TANC2: variants seen among roughly 807,000 people sequenced by gnomAD.
The protein encoded by TANC2 is tetratricopeptide repeat, ankyrin repeat and coiled-coil containing 2.
Under a neutral mutation model 210.5 loss-of-function variants are expected in TANC2, and 26 were observed. That is an observed-to-expected ratio of 0.12 (90% confidence interval 0.09 to 0.17). The LOEUF is 0.17. Ranked by LOEUF, TANC2 falls within the 10% of genes least tolerant of loss-of-function variation. The pLI, the probability that TANC2 is intolerant of heterozygous loss-of-function variation, is 1.00. For synonymous variants in TANC2, 931 were observed against 967.1 expected (o/e 0.96, Z 0.69); for missense variants, 2,129 against 2,608.9 (o/e 0.82, Z 4.01).
chr17:63,316,634 G>A (rs534366418), intron 10 of TANC2, among the ~76,000 whole-genome samples: 5 of 152,244 alleles, frequency 3.3e-5, no homozygotes, highest in East Asian at 1.9e-4. Context: ...TTAACTTTCC[G>A]AATTTGAAAG....
At chr17:62,972,409 G>C (rs895757507) in intron 1 of TANC2, among the ~76,000 whole-genome samples, 9 of 152,148 alleles carry the variant, frequency 5.9e-5, no homozygotes, top group Non-Finnish European at 1.0e-4. Context: ...ATGGTTTATA[G>C]TGCATCTTAA....
At chr17:63,327,345 C>G (rs2045682963) in intron 11 of TANC2, among the ~76,000 whole-genome samples, 1 of 152,136 alleles carries the variant, frequency 6.6e-6, no homozygotes, top group Non-Finnish European at 1.5e-5. Flanking sequence ...ATAGAGCTAT[C>G]ATATGATCCA....
chr17:63,021,456 C>T (rs1279920189), intron 2 of TANC2, among the ~76,000 whole-genome samples: 2 of 152,134 alleles, frequency 1.3e-5, no homozygotes, highest in African/African-American at 4.8e-5. Flanking sequence ...CTCCTTTTTC[C>T]CCTGTCTCTT....
At chr17:63,206,497 T>G (rs1192225275) in intron 7 of TANC2, among the ~76,000 whole-genome samples, 2 of 152,202 alleles carry the variant, frequency 1.3e-5, no homozygotes, top group South Asian at 2.1e-4. Context: ...GATATATACA[T>G]GCAATGAAAT....
At chr17:63,344,035 A>T (rs993219028) in intron 12 of TANC2, among the ~76,000 whole-genome samples, 1 of 152,212 alleles carries the variant, frequency 6.6e-6, no homozygotes, top group African/African-American at 2.4e-5. Context: ...TGGGCCAAGG[A>T]TGGATATAGG....
chr17:63,003,495 A>G (rs2033477558), intron 1 of TANC2, among the ~76,000 whole-genome samples: 1 of 152,228 alleles, frequency 6.6e-6, no homozygotes, highest in African/African-American at 2.4e-5. Context: ...TACAGCTTGG[A>G]TAAACTAGAC....
intron 9 of TANC2, among the ~76,000 whole-genome samples, chr17:63,289,381 T>G (rs2044318188): frequency 6.6e-6 from 1 of 152,196 alleles, no homozygotes. Context: ...CTTCGTTCTC[T>G]TCGTTTTTCA....
intron 7 of TANC2, among the ~76,000 whole-genome samples, chr17:63,218,683 G>A (rs1245909315): frequency 2.0e-5 from 3 of 152,098 alleles, no homozygotes; most frequent in African/African-American, 4.8e-5. Context: ...ATAGCCTGAA[G>A]TCAGGAGTTC....
intron 15 of TANC2, among the ~76,000 whole-genome samples, chr17:63,382,060 C>A (rs1265720070): frequency 2.0e-5 from 3 of 152,168 alleles, no homozygotes; most frequent in Non-Finnish European, 4.4e-5. Flanking sequence ...TGAATTGAAC[C>A]AAACTGACGC....
At chr17:63,131,084 A>G (rs1298004691) in intron 4 of TANC2, 2 of 152,228 alleles carry the variant, frequency 1.3e-5, no homozygotes, top group Non-Finnish European at 2.9e-5. Context: ...AAACACAGGA[A>G]AGGCTTTTCA....
At chr17:63,398,717 T>G (rs554856620) in intron 18 of TANC2, 104 bp from the exon 19 acceptor site, 6 of 678,820 alleles carry the variant, frequency 8.8e-6, no homozygotes, top group African/African-American at 7.2e-5. Flanking sequence ...TGCAAGAGAT[T>G]TAGTGATACT....
At chr17:63,072,010 C>G (rs944764115) in intron 2 of TANC2, among the ~76,000 whole-genome samples, 1 of 152,070 alleles carries the variant, frequency 6.6e-6, no homozygotes, top group Non-Finnish European at 1.5e-5. Flanking sequence ...TGAAATAGGT[C>G]TTTACTTCAT....
At chr17:63,284,423 T>G (rs913516414) in intron 9 of TANC2, among the ~76,000 whole-genome samples, 5 of 152,044 alleles carry the variant, frequency 3.3e-5, no homozygotes, top group African/African-American at 1.2e-4. Context: ...GGTTTTAGTA[T>G]CATGGTAATG....
At chr17:62,972,906 G>T (rs1158112292) in intron 1 of TANC2, among the ~76,000 whole-genome samples, 1 of 152,050 alleles carries the variant, frequency 6.6e-6, no homozygotes, top group African/African-American at 2.4e-5. Flanking sequence ...CTGCTTCACA[G>T]CCATCATGCG....
intron 9 of TANC2, among the ~76,000 whole-genome samples, chr17:63,308,883 T>G (rs2045017736): frequency 6.6e-6 from 1 of 152,144 alleles, no homozygotes; most frequent in East Asian, 1.9e-4. Context: ...TTGAAAAATT[T>G]TTTTAAAAAA....
intron 5 of TANC2, among the ~76,000 whole-genome samples, chr17:63,185,976 A>G (rs188246097): frequency 6.0e-4 from 92 of 152,250 alleles, no homozygotes; most frequent in Non-Finnish European, 2.4e-4. Flanking sequence ...GGGCCTTTGT[A>G]AGAAATATTT....
intron 4 of TANC2, among the ~76,000 whole-genome samples, chr17:63,129,148 A>C (rs1264860206): frequency 6.6e-6 from 1 of 151,772 alleles, no homozygotes; most frequent in African/African-American, 2.4e-5. Flanking sequence ...ATGCTACACC[A>C]TGTGTCCGGC....
intron 4 of TANC2, among the ~76,000 whole-genome samples, chr17:63,100,640 C>T (rs1400026310): frequency 1.3e-5 from 2 of 152,044 alleles, no homozygotes; most frequent in African/African-American, 4.8e-5. Flanking sequence ...TGTTGGCTGT[C>T]ATGTGATGTG....
chr17:63,373,084 T>A (rs2047320155), intron 14 of TANC2, among the ~76,000 whole-genome samples: 1 of 151,892 alleles, frequency 6.6e-6, no homozygotes, highest in Admixed American at 6.6e-5. Context: ...TTTGTGGAGA[T>A]GGGGTCTCGC....
Sources: allele counts gnomAD v4.1 joint callset (sites outside exome capture counted in the v4.1 genomes callset), GRCh38; gene constraint gnomAD v4.1.1; transcripts MANE v1.5; gene names NCBI Gene and HGNC (gene_info 2026-07-23, HGNC 2026-07-21).